Variants in RETN observed in about 807,000 individuals in gnomAD.
The protein encoded by RETN is C/EBP-epsilon regulated myeloid-specific secreted cysteine-rich protein precursor 1.
Under a neutral mutation model 6.1 loss-of-function variants are expected in RETN, and 5 were observed. The observed-to-expected ratio is 0.82, with a 90% CI of 0.43 to 1.73. RETN has a LOEUF of 1.73. Among genes scored for constraint, RETN ranks in the 40% most tolerant of loss-of-function variants. RETN has a pLI of 0.02. For synonymous variants in RETN, 62 were observed against 59.2 expected (o/e 1.05, Z -0.22); for missense variants, 168 against 142.5 (o/e 1.18, Z -0.91).
chr19:7,669,447 G>A lies in RETN; in HGVS notation c.118+3G>A. The A allele has an allele frequency of 2.5e-6, 4 of 1,607,770 alleles. No individual in the cohort carries two copies. The highest frequency in any genetic ancestry group is 3.4e-6 in the Non-Finnish European group (4 of 1,174,354). ...CCAGGAGGTCGCCGGCTCCCTAAGT[G>A]AGGACCCCCCACTTGGGCAAGCTCC... is the stretch of plus-strand genomic sequence containing the variant. On this transcript the variant is annotated splice_donor_region_variant and intron_variant, in intron 2 of 3. Transcript: ENST00000221515.
rs2032444436 is a variant in RETN at position 7,669,054 on chromosome 19, G to A, written c.-78G>A. 14 of 438,616 alleles carry A rather than the reference G, an allele frequency of 3.2e-5. No individual in the cohort carries two copies. The South Asian group carries it at 3.6e-4, about 11-fold the overall frequency. 27.2% of individuals were successfully genotyped at this position (438,616 alleles called of 1,614,324 possible). ...AAGCCAGGAAGCCCCACCCCAAGAGGCCTCAAAGAAAGAGCTGCGGTGCAG... is the reference window on the plus strand; with the variant it reads ...AAGCCAGGAAGCCCCACCCCAAGAGACCTCAAAGAAAGAGCTGCGGTGCAG... On this transcript the variant is annotated 5_prime_UTR_variant, in exon 1 of 4. Transcript: ENST00000221515.
chr19:7,669,205 A>T, intron 1 of RETN, 84 bp downstream of exon 1: 2 of 760,502 alleles, frequency 2.6e-6, no homozygotes, highest in Non-Finnish European at 4.6e-6. Context: ...TGTCCCCCAC[A>T]TGGGGGGACA....
intron 2 of RETN, 114 bp downstream of exon 2, chr19:7,669,558 C>G (rs2032457172): frequency 2.4e-6 from 2 of 829,694 alleles, no homozygotes; most frequent in African/African-American, 3.3e-5. Flanking sequence ...ATCCTCAAAT[C>G]CAACCAGATC....
chr19:7,669,345 C>A lies in RETN; in HGVS notation c.19C>A (p.Leu7Ile). 6.2e-7 allele frequency: 1 copy of A among 1,613,674 alleles called. No homozygotes were observed. Among genetic ancestry groups the A allele is most frequent in the Non-Finnish European group, 8.5e-7 (1 of 1,179,714 alleles). MKALCL[L>I]LLPVLGLLVS... ...CTGCAGGATGAAAGCTCTCTGTCTC[C>A]TCCTCCTCCCTGTCCTGGGGCTGTT... The change falls in exon 2 of 4, where the codon CTC becomes ATC. Residue 7 changes from leucine to isoleucine, a missense_variant. Leu to Ile is a conservative substitution (Grantham distance 5). Coordinates refer to ENST00000221515, the MANE Select transcript of RETN (RefSeq NM_020415.4).
chr19:7,670,432 A>AGATGATGATGATGAT (rs3833230), exon 4 of RETN: 1 of 1,142,868 alleles, frequency 8.7e-7, no homozygotes, highest in Non-Finnish European at 1.2e-6. Context: ...ATAAACCTGG[A>AGATGATGATGATGAT]GATGATGATG....
At position 7,669,832 on chromosome 19, in the gene RETN, AT is replaced by A. The variant is rs2032463538; in HGVS notation, c.131del (p.Ile44LysfsTer91). On this transcript the variant is annotated frameshift_variant, in exon 3 of 4. Coordinates refer to ENST00000221515, the MANE Select transcript of RETN (RefSeq NM_020415.4). LOFTEE classifies it high-confidence loss of function. ...EVAGSLIFRA[I>X]SSIGLECQSV... The stretch of plus-strand genomic sequence containing the variant: ...CTCCTGCCCCCCAGTATTTAGGGCA[AT>A]AAGCAGCATTGGCCTGGAGTGCCAG... The A allele has an allele frequency of 6.2e-7, 1 of 1,614,058 alleles. No individual in the cohort carries two copies. The highest frequency in any genetic ancestry group is 8.5e-7 in the Non-Finnish European group (1 of 1,180,006).
intron 3 of RETN, 36 bp downstream of exon 3, chr19:7,669,934 C>T: frequency 6.4e-7 from 1 of 1,553,510 alleles, no homozygotes; most frequent in South Asian, 1.1e-5. Flanking sequence ...GCGCCCATTT[C>T]TGTTCCAAGT....
intron 3 of RETN, 39 bp downstream of exon 3, chr19:7,669,937 T>C (rs2032467798): frequency 6.5e-7 from 1 of 1,545,426 alleles, no homozygotes; most frequent in African/African-American, 1.4e-5. Flanking sequence ...CCCATTTCTG[T>C]TCCAAGTCCC....
intron 3 of RETN, 108 bp from the exon 4 acceptor site, chr19:7,670,111 C>CGGGGGGGGGGG: frequency 1.6e-6 from 1 of 614,734 alleles, no homozygotes. Flanking sequence ...CAGCCGTCCC[C>CGGGGGGGGGGG]GTCCCCACCC....
In RETN at chr19:7,669,877, G is replaced by T; in HGVS notation, c.175G>T (p.Asp59Tyr). The change falls in exon 3 of 4, where the codon GAC becomes TAC. Residue 59 changes from aspartate to tyrosine, a missense_variant. Coordinates refer to ENST00000221515, the MANE Select transcript of RETN (RefSeq NM_020415.4). Reference protein sequence around the residue: ...LECQSVTSRGDLATCPRGFAV... With the variant: ...LECQSVTSRGYLATCPRGFAV... ...GTGCCAGAGCGTCACCTCCAGGGGG[G>T]ACCTGGCTACTTGCCCCCGAGGTGA... The T allele has an allele frequency of 3.1e-6, 5 of 1,614,064 alleles. No individual in the cohort carries two copies. Among genetic ancestry groups the T allele is most frequent in the Non-Finnish European group, 3.4e-6 (4 of 1,179,964 alleles).
Position 7,669,768 on chromosome 19 carries a change from A to T in RETN, c.119-53A>T, listed in dbSNP as rs375591078. ...CAACAGGGCTAGGGGAGGATGGGGG[A>T]GGGACCGTTTGGTCTCACAGCTCCC... On this transcript the variant is annotated intron_variant, in intron 2 of 3. Transcript: ENST00000221515. 7.8e-5 allele frequency: 119 copies of T among 1,516,820 alleles called. No homozygotes were observed. In the East Asian group the frequency reaches 1.2e-3, roughly 16 times the overall value. The allele number at this position is 1,516,820 out of a possible 1,614,324, so 94.0% of individuals were successfully genotyped here.
chr19:7,670,047 C>A, intron 3 of RETN, 149 bp downstream of exon 3: 1 of 954,886 alleles, frequency 1.0e-6, no homozygotes, highest in Admixed American at 2.0e-5. Context: ...CATCTGGACA[C>A]TGGTGTCCAC....
At position 7,670,406 on chromosome 19, in the gene RETN, TGCGGGGGA is replaced by T; in HGVS notation, c.*60_*67del. ...GAGGCGGCTCCAGGTCCGGAGGGGT[TGCGGGGGA>T]GCTGGAAATAAACCTGGAGATGATG... is the stretch of plus-strand genomic sequence containing the variant. On this transcript the variant is annotated 3_prime_UTR_variant, in exon 4 of 4. Transcript: ENST00000221515. The T allele has an allele frequency of 1.3e-6, 2 of 1,511,738 alleles. No homozygotes were observed. 93.6% of individuals were successfully genotyped at this position (1,511,738 alleles called of 1,614,324 possible). A position where few individuals can be genotyped will look rare whatever the true frequency, so the allele number is the denominator to read the frequency against.
intron 1 of RETN, 32 bp from the exon 2 acceptor site, chr19:7,669,285 C>T (rs1416274922): frequency 1.4e-6 from 2 of 1,479,264 alleles, no homozygotes; most frequent in Admixed American, 1.7e-5. Context: ...CAGGGCTGAT[C>T]CAGCTGTGGG....
In RETN at chr19:7,670,243, G is replaced by C; in HGVS notation, c.221G>C (p.Cys74Ser). Reference sequence around the variant, plus strand: ...GGCTTCGCCGTCACCGGCTGCACTTGTGGCTCCGCCTGTGGCTCGTGGGAT... The same window carrying C: ...GGCTTCGCCGTCACCGGCTGCACTTCTGGCTCCGCCTGTGGCTCGTGGGAT... ...PRGFAVTGCT[C>S]GSACGSWDVR... Residue 74 changes from cysteine to serine, a missense_variant, in exon 4 of 4, where the codon TGT becomes TCT. By Grantham distance (112) the Cys-to-Ser change is moderately radical. Coordinates refer to ENST00000221515, the MANE Select transcript of RETN (RefSeq NM_020415.4). 6.2e-7 allele frequency: 1 copy of C among 1,604,730 alleles called. No homozygotes were observed. The highest frequency in any genetic ancestry group is 8.5e-7 in the Non-Finnish European group (1 of 1,179,024).
At chr19:7,669,775 G>A (rs1250251014) in intron 2 of RETN, 46 bp from the exon 3 acceptor site, 1 of 1,554,786 alleles carries the variant, frequency 6.4e-7, no homozygotes, top group South Asian at 1.1e-5. Context: ...GGGAGGGACC[G>A]TTTGGTCTCA....
rs192212104 is a variant in RETN at position 7,669,454 on chromosome 19, C to G, written c.118+10C>G. The G allele has an allele frequency of 3.8e-6, 6 of 1,599,572 alleles. No individual in the cohort carries two copies. In the Admixed American group the frequency reaches 1.0e-4, roughly 27 times the overall value. ...GTCGCCGGCTCCCTAAGTGAGGACC[C>G]CCCACTTGGGCAAGCTCCCCAAGGG... is the stretch of plus-strand genomic sequence containing the variant. On this transcript the variant is annotated intron_variant, in intron 2 of 3. Coordinates refer to ENST00000221515, the MANE Select transcript of RETN (RefSeq NM_020415.4).
Position 7,670,314 on chromosome 19 carries a change from T to G in RETN, c.292T>G (p.Trp98Gly). Residue 98 changes from tryptophan to glycine, a missense_variant, in exon 4 of 4, where the codon TGG becomes GGG. Transcript: ENST00000221515. ...TCACTGCCAGTGCGCGGGCATGGAC[T>G]GGACCGGAGCGCGCTGCTGTCGTGT... ...TCHCQCAGMD[W>G]TGARCCRVQP The G allele has an allele frequency of 6.3e-7, 1 of 1,577,460 alleles. No homozygotes were observed. Among genetic ancestry groups the G allele is most frequent in the Non-Finnish European group, 8.6e-7 (1 of 1,166,838 alleles).
intron 1 of RETN, 38 bp from the exon 2 acceptor site, chr19:7,669,279 G>T (rs986295448): frequency 7.0e-7 from 1 of 1,431,284 alleles, no homozygotes; most frequent in Non-Finnish European, 9.9e-7. Context: ...ACAGGGCAGG[G>T]CTGATCCAGC....
Sources: allele counts gnomAD v4.1 joint callset, GRCh38; gene constraint gnomAD v4.1.1; transcripts MANE v1.5; gene names NCBI Gene and HGNC (gene_info 2026-07-23, HGNC 2026-07-21).